ROBO2: variants seen among roughly 807,000 people sequenced by gnomAD.
ROBO2 encodes the protein roundabout homolog 2.
A neutral mutation model predicts 160.8 loss-of-function variants in ROBO2; 53 were observed. That is an observed-to-expected ratio of 0.33 (90% CI 0.26 to 0.41). The LOEUF is 0.41. ROBO2 is among the 10% of genes least tolerant of loss of function. The probability of loss-of-function intolerance (pLI) is 1.00; values close to 1 mark genes in which losing one functional copy is unlikely to be tolerated. For missense variants in ROBO2, 1,577 were observed against 1,722.4 expected (o/e 0.92, Z 1.49); for synonymous variants, 664 against 611.7 (o/e 1.09, Z -1.26).
At chr3:76,300,326 T>C (rs1709292694) in intron 2 of ROBO2, among the ~76,000 whole-genome samples, 2 of 151,210 alleles carry the variant, frequency 1.3e-5, no homozygotes, top group African/African-American at 2.4e-5. Context: ...ATTAAATAGG[T>C]CTGTGTCAAA....
At chr3:76,653,709 C>T (rs2091357047) in intron 2 of ROBO2, among the ~76,000 whole-genome samples, 1 of 151,976 alleles carries the variant, frequency 6.6e-6, no homozygotes, top group South Asian at 2.1e-4. Flanking sequence ...TAAATTCAAG[C>T]CCAGATGTTG....
intron 2 of ROBO2, among the ~76,000 whole-genome samples, chr3:76,406,448 A>C (rs911417245): frequency 1.3e-5 from 2 of 151,872 alleles, no homozygotes; most frequent in African/African-American, 4.8e-5. Context: ...TATGGATAGC[A>C]GTGATTATTT....
chr3:77,641,196 A>G (rs2095345705), intron 24 of ROBO2, among the ~76,000 whole-genome samples: 1 of 152,238 alleles, frequency 6.6e-6, no homozygotes, highest in Non-Finnish European at 1.5e-5. Context: ...TTTTGGAAAA[A>G]TATTCCAAAT....
intron 2 of ROBO2, among the ~76,000 whole-genome samples, chr3:76,867,300 G>A (rs1484814401): frequency 2.0e-5 from 3 of 152,148 alleles, no homozygotes; most frequent in Admixed American, 6.5e-5. Flanking sequence ...AGGTTAATGG[G>A]CACTTACACA....
At chr3:76,420,696 G>A (rs1257401735) in intron 2 of ROBO2, among the ~76,000 whole-genome samples, 1 of 152,114 alleles carries the variant, frequency 6.6e-6, no homozygotes, top group Non-Finnish European at 1.5e-5. Flanking sequence ...ACACTGTATA[G>A]TTCAAGCAAT....
chr3:76,078,555 G>A (rs2068717414), intron 2 of ROBO2, among the ~76,000 whole-genome samples: 1 of 151,990 alleles, frequency 6.6e-6, no homozygotes, highest in Admixed American at 6.6e-5. Flanking sequence ...TGTAGAGACA[G>A]GGTGTCCCTA....
chr3:76,921,928 T>C (rs1446980453), intron 2 of ROBO2, among the ~76,000 whole-genome samples: 1 of 152,284 alleles, frequency 6.6e-6, no homozygotes, highest in Non-Finnish European at 1.5e-5. Context: ...AGAAGAATCA[T>C]AACACCTCAT....
At chr3:76,024,218 A>C (rs1349596016) in intron 2 of ROBO2, among the ~76,000 whole-genome samples, 2 of 151,476 alleles carry the variant, frequency 1.3e-5, no homozygotes, top group Non-Finnish European at 3.0e-5. Flanking sequence ...TTTCCAGAAT[A>C]ATGAGAAAAT....
At chr3:76,098,418 A>G (rs2069542372) in intron 2 of ROBO2, among the ~76,000 whole-genome samples, 1 of 152,048 alleles carries the variant, frequency 6.6e-6, no homozygotes, top group Non-Finnish European at 1.5e-5. Flanking sequence ...ACAACATGCA[A>G]TTTTTGTGTT....
chr3:76,630,185 G>A (rs1341093001), intron 2 of ROBO2, among the ~76,000 whole-genome samples: 4 of 152,080 alleles, frequency 2.6e-5, no homozygotes, highest in African/African-American at 9.7e-5. Context: ...TCTCTATGTC[G>A]GCTGGGTTTC....
intron 2 of ROBO2, among the ~76,000 whole-genome samples, chr3:76,278,895 ACTG>A (rs1553694724): frequency 2.0e-5 from 3 of 151,872 alleles, no homozygotes; most frequent in Non-Finnish European, 1.5e-5. Context: ...CCTCTTCCTC[ACTG>A]TAAGCTGCTC....
chr3:76,084,592 C>A (rs1243315494), intron 2 of ROBO2, among the ~76,000 whole-genome samples: 2 of 152,032 alleles, frequency 1.3e-5, no homozygotes, highest in Admixed American at 6.6e-5. Context: ...TGTACTGACC[C>A]GAATTTGGCT....
intron 2 of ROBO2, among the ~76,000 whole-genome samples, chr3:76,802,454 C>T (rs550930540): frequency 4.6e-5 from 7 of 152,252 alleles, no homozygotes; most frequent in East Asian, 3.9e-4. Context: ...AGAGGCCGGG[C>T]GCGGTGGCTC....
chr3:76,749,835 C>G (rs1239687851), intron 2 of ROBO2, among the ~76,000 whole-genome samples: 1 of 152,010 alleles, frequency 6.6e-6, no homozygotes, highest in African/African-American at 2.4e-5. Context: ...AGTCCAGGAC[C>G]AGATGGATTC....
intron 2 of ROBO2, among the ~76,000 whole-genome samples, chr3:76,771,362 G>A (rs1375235132): frequency 2.6e-5 from 4 of 151,180 alleles, no homozygotes; most frequent in Non-Finnish European, 5.9e-5. Flanking sequence ...ATGGCTACTA[G>A]CAAACTTAAA....
intron 2 of ROBO2, among the ~76,000 whole-genome samples, chr3:76,749,821 C>A (rs907971284): frequency 2.0e-5 from 3 of 151,548 alleles, no homozygotes; most frequent in African/African-American, 2.4e-5. Context: ...GATGGCACAA[C>A]CCTAGTCCAG....
chr3:76,220,497 C>T (rs1321055004), intron 2 of ROBO2, among the ~76,000 whole-genome samples: 1 of 152,046 alleles, frequency 6.6e-6, no homozygotes, highest in Non-Finnish European at 1.5e-5. Context: ...TGTCTTTCTG[C>T]CCTTCCGCCT....
intron 6 of ROBO2, among the ~76,000 whole-genome samples, chr3:77,538,218 A>G (rs2092269997): frequency 1.6e-5 from 2 of 126,190 alleles, no homozygotes; most frequent in Admixed American, 9.7e-5. Flanking sequence ...TCTGTCTGTC[A>G]CCCAGGCTGG....
At chr3:76,011,707 T>C (rs924845127) in intron 2 of ROBO2, among the ~76,000 whole-genome samples, 1 of 152,190 alleles carries the variant, frequency 6.6e-6, no homozygotes, top group Non-Finnish European at 1.5e-5. Context: ...AAACCAAATA[T>C]AGAGAAAATT....
Sources: gnomAD v4.1 joint callset for allele counts (sites outside exome capture counted in the v4.1 genomes callset) on GRCh38, gnomAD v4.1.1 for gene constraint, MANE v1.5 for transcripts, NCBI Gene and HGNC (gene_info 2026-07-23, HGNC 2026-07-21) for gene names.